Variants in CDH23 observed in about 807,000 individuals in gnomAD.
CDH23 encodes the protein cadherin-23.
Under a neutral mutation model 317.1 loss-of-function variants are expected in CDH23, and 189 were observed. The observed-to-expected ratio is 0.60, with a 90% CI of 0.53 to 0.67. The LOEUF (loss-of-function observed/expected upper bound fraction) is 0.67. Ranked by LOEUF, CDH23 falls within the 30% of genes least tolerant of loss-of-function variation. CDH23 has a pLI of 0.00. For synonymous variants in CDH23, 1,839 were observed against 1,876.8 expected (o/e 0.98, Z 0.52); for missense variants, 4,401 against 4,592.4 (o/e 0.96, Z 1.20).
intron 3 of CDH23, among the ~76,000 whole-genome samples, chr10:71,465,163 G>A (rs913640120): frequency 1.3e-5 from 2 of 152,240 alleles, no homozygotes; most frequent in East Asian, 1.9e-4. Context: ...CACACTGCAG[G>A]TGTTGGGCAG....
At position 71,814,301 on chromosome 10, in the gene CDH23, G is replaced by A. The variant is rs1419205464; in HGVS notation, c.9739-651G>A. On this transcript the variant is annotated intron_variant, in intron 69 of 69. Transcript: ENST00000224721. ...GTGGTGGCACACGCCCATAGTCCCA[G>A]CTACTCAGGAAACTGAAATGGGAGG... Among the ~76,000 whole-genome samples, 3 of 152,258 alleles carry A rather than the reference G, an allele frequency of 2.0e-5. No homozygotes were observed. In the East Asian group the frequency reaches 5.8e-4, roughly 29 times the overall value.
chr10:71,746,429 C>T (rs1038114303), intron 38 of CDH23, among the ~76,000 whole-genome samples: 9 of 152,240 alleles, frequency 5.9e-5, no homozygotes, highest in East Asian at 1.9e-4. Context: ...CCATATCACC[C>T]GAACTCGGAA....
chr10:71,467,355 G>T (rs1221622927), intron 3 of CDH23, among the ~76,000 whole-genome samples: 1 of 152,208 alleles, frequency 6.6e-6, no homozygotes, highest in Non-Finnish European at 1.5e-5. Context: ...AGATGGCTGG[G>T]CCCGATCCTC....
chr10:71,672,981 A>T (rs1864209571), intron 14 of CDH23, among the ~76,000 whole-genome samples: 1 of 147,720 alleles, frequency 6.8e-6, no homozygotes, highest in African/African-American at 2.5e-5. Context: ...GCTCTCCTCC[A>T]CCTCCTAGCC....
intron 1 of CDH23, among the ~76,000 whole-genome samples, chr10:71,402,374 T>C (rs1212842909): frequency 6.6e-6 from 1 of 152,230 alleles, no homozygotes. Flanking sequence ...GTGATTTTCA[T>C]AAGGCAGTTT....
At position 71,751,088 on chromosome 10, in the gene CDH23, C is replaced by A; in HGVS notation, c.4845+9167C>A. The A allele has an allele frequency of 1.2e-6, 1 of 816,436 alleles. No homozygotes were observed. Among genetic ancestry groups the A allele is most frequent in the Non-Finnish European group, 1.9e-6 (1 of 523,976 alleles). 50.6% of individuals were successfully genotyped at this position (816,436 alleles called of 1,614,324 possible). ...CCGTCCAGCATCCCCATGTAGCATCCAGAGGGGTTGAGGGGCTGGGCTTCT... is the reference window on the plus strand; with the variant it reads ...CCGTCCAGCATCCCCATGTAGCATCAAGAGGGGTTGAGGGGCTGGGCTTCT... On this transcript the variant is annotated intron_variant, in intron 38 of 69. Coordinates refer to ENST00000224721, the MANE Select transcript of CDH23 (RefSeq NM_022124.6). The surrounding 1 kb of genome is among the most constrained non-coding windows in gnomAD (Gnocchi z 4.9).
intron 11 of CDH23, among the ~76,000 whole-genome samples, chr10:71,623,562 T>C (rs1459103133): frequency 6.6e-6 from 1 of 152,196 alleles, no homozygotes; most frequent in Non-Finnish European, 1.5e-5. Context: ...AGCCCTCTGA[T>C]GGCTGTGTTG....
In CDH23 at chr10:71,812,536, C is replaced by G. The variant is rs779480321; in HGVS notation, c.9437C>G (p.Ala3146Gly). The change falls in exon 67 of 70, where the codon GCG becomes GGG. Residue 3146 changes from alanine (A) to glycine (G), a missense_variant. Ala to Gly is a moderately conservative substitution (Grantham distance 60). Transcript: ENST00000224721. The part of the protein sequence containing the change: ...FCRNLELAAQ[A>G]EHEDDLPENL... ...CGGAACCTGGAGCTGGCCGCCCAGG[C>G]GGAGCATGAGGATGACCTACCGGAG... The G allele has an allele frequency of 6.2e-7, 1 of 1,613,356 alleles. No homozygotes were observed. The highest frequency in any genetic ancestry group is 1.7e-5 in the Admixed American group (1 of 59,998).
chr10:71,724,218 A>G, intron 29 of CDH23, 113 bp downstream of exon 29: 1 of 1,122,250 alleles, frequency 8.9e-7, no homozygotes, highest in Non-Finnish European at 1.3e-6. Flanking sequence ...CCAGGGCCAT[A>G]TACATGGGGC....
chr10:71,491,990 C>T (rs1475010466), intron 3 of CDH23, among the ~76,000 whole-genome samples: 3 of 152,218 alleles, frequency 2.0e-5, no homozygotes, highest in Non-Finnish European at 4.4e-5. Context: ...CTGCCCAGCA[C>T]AGCTTCACAG....
chr10:71,563,470 A>G (rs1857233125), intron 6 of CDH23, among the ~76,000 whole-genome samples: 1 of 149,824 alleles, frequency 6.7e-6, no homozygotes, highest in Admixed American at 6.6e-5. Context: ...TTCAGCAGCC[A>G]GGATCCAATC....
Position 71,677,592 on chromosome 10 carries a change from G to A in CDH23, c.1651G>A (p.Val551Met). ...EETTGRVRINVLDVNDNVPTF... is the reference protein window; with the variant it reads ...EETTGRVRINMLDVNDNVPTF... ...GACCACAGGCCGGGTCAGGATCAATGTGTTGGATGTCAACGACAACGTGCC... is the reference window on the plus strand; with the variant it reads ...GACCACAGGCCGGGTCAGGATCAATATGTTGGATGTCAACGACAACGTGCC... The change falls in exon 16 of 70, where the codon GTG becomes ATG. Residue 551 changes from valine to methionine, a missense_variant. Val to Met is a conservative substitution (Grantham distance 21, BLOSUM62 1). Transcript: ENST00000224721. The A allele has an allele frequency of 6.2e-7, 1 of 1,608,620 alleles. No homozygotes were observed. The highest frequency in any genetic ancestry group is 8.5e-7 in the Non-Finnish European group (1 of 1,177,808).
chr10:71,634,674 C>T (rs1410057691), intron 11 of CDH23, among the ~76,000 whole-genome samples: 1 of 152,234 alleles, frequency 6.6e-6, no homozygotes, highest in Non-Finnish European at 1.5e-5. Context: ...TCGTGGGAGG[C>T]TGGAGGGTAG....
intron 30 of CDH23, among the ~76,000 whole-genome samples, chr10:71,726,133 A>C (rs994837779): frequency 1.3e-5 from 2 of 152,142 alleles, no homozygotes; most frequent in Non-Finnish European, 2.9e-5. Context: ...TGTTATGTGT[A>C]CTACCGCCAG....
At chr10:71,767,512 G>A (rs1024795187) in intron 38 of CDH23, among the ~76,000 whole-genome samples, 1 of 152,240 alleles carries the variant, frequency 6.6e-6, no homozygotes, top group Admixed American at 6.5e-5. Context: ...CAAAGAGAAT[G>A]GGACCTGGTT....
At chr10:71,660,347 A>G (rs1242776455) in intron 14 of CDH23, among the ~76,000 whole-genome samples, 1 of 152,198 alleles carries the variant, frequency 6.6e-6, no homozygotes, top group Admixed American at 6.5e-5. Flanking sequence ...AGTTGTTTAA[A>G]TACGATCAAG....
chr10:71,409,488 C>T (rs1848256223), intron 1 of CDH23, among the ~76,000 whole-genome samples: 1 of 152,138 alleles, frequency 6.6e-6, no homozygotes, highest in African/African-American at 2.4e-5. Context: ...GATGGGGAGG[C>T]GCTAGAATTC....
At chr10:71,679,305 C>CCCCT in intron 16 of CDH23, 82 bp from the exon 17 acceptor site, 7 of 803,456 alleles carry the variant, frequency 8.7e-6, no homozygotes, top group Admixed American at 2.0e-5. Flanking sequence ...GGCCAGTCTT[C>CCCCT]CCCACCCTCC....
intron 3 of CDH23, among the ~76,000 whole-genome samples, chr10:71,471,438 A>G (rs1245911804): frequency 6.6e-6 from 1 of 150,888 alleles, no homozygotes; most frequent in Non-Finnish European, 1.5e-5. Flanking sequence ...TCCGTCTCCC[A>G]CTCAGCAGTG....
Sources: gnomAD v4.1 joint callset for allele counts (sites outside exome capture counted in the v4.1 genomes callset) on GRCh38, gnomAD v4.1.1 for gene constraint, Gnocchi (gnomAD v3.1) non-coding constraint, MANE v1.5 for transcripts, NCBI Gene and HGNC (gene_info 2026-07-23, HGNC 2026-07-21) for gene names.